NOSTRIN: variants seen among roughly 807,000 people sequenced by gnomAD.
NOSTRIN encodes the protein nitric oxide synthase trafficking.
A neutral mutation model predicts 59.0 loss-of-function variants in NOSTRIN; 63 were observed. The ratio of observed to expected loss-of-function variants is 1.07; its 90% CI spans 0.87 to 1.32. The LOEUF (loss-of-function observed/expected upper bound fraction) is 1.32, where lower values mean the gene tolerates loss of function less well. Ranked by LOEUF, NOSTRIN falls within the 40% of genes most tolerant of loss-of-function variation. NOSTRIN has a pLI of 0.00. For synonymous variants in NOSTRIN, 200 were observed against 165.4 expected, an observed-to-expected ratio of 1.21 and a Z score of -1.61; for missense variants, 512 against 473.1, an observed-to-expected ratio of 1.08 and a Z score of -0.76.
At chr2:168,833,156 A>C (rs1401892928) in intron 6 of NOSTRIN, among the ~76,000 whole-genome samples, 1 of 152,224 alleles carries the variant, frequency 6.6e-6, no homozygotes, top group Admixed American at 6.5e-5. Flanking sequence ...TTGGGCTATA[A>C]TAATTTTCTC....
chr2:168,828,480 A>G lies in NOSTRIN; in HGVS notation c.321A>G (p.Val107=), dbSNP rs768734661. 42 of 870,806 alleles carry G rather than the reference A, an allele frequency of 4.8e-5. No individual in the cohort carries two copies. The highest frequency in any genetic ancestry group is 2.0e-6 in the Non-Finnish European group (1 of 501,222). 53.9% of individuals were successfully genotyped at this position (870,806 alleles called of 1,614,324 possible). The change falls in exon 5 of 16, where the codon GTA becomes GTG. Residue 107 remains valine, a synonymous_variant. Transcript: ENST00000317647. ...AACCGACTTATCAAGTCCTAAATGT[A>G]CAAGAGAAGAAGAGAAAATCAGTGA... The part of the protein sequence containing the change: ...AIKPTYQVLN[V]QEKKRKSLDN...
chr2:168,829,698 C>A (rs1296197755), intron 5 of NOSTRIN, among the ~76,000 whole-genome samples: 1 of 152,166 alleles, frequency 6.6e-6, no homozygotes. Context: ...ACTCTACTTC[C>A]AGGCAACATA....
intron 1 of NOSTRIN, among the ~76,000 whole-genome samples, chr2:168,803,667 A>C (rs1010305455): frequency 1.3e-5 from 2 of 152,246 alleles, no homozygotes; most frequent in Non-Finnish European, 2.9e-5. Flanking sequence ...TAATTTTAAT[A>C]ATGACAACAT....
upstream of NOSTRIN, among the ~76,000 whole-genome samples, chr2:168,800,239 ACC>A (rs1685578329): frequency 2.0e-5 from 3 of 152,248 alleles, no homozygotes; most frequent in Non-Finnish European, 4.4e-5. Flanking sequence ...GTCAGGGGAC[ACC>A]TGAAGATCCA....
At chr2:168,797,163 A>G (rs1164728149), upstream of NOSTRIN, among the ~76,000 whole-genome samples, 1 of 131,082 alleles carries the variant, frequency 7.6e-6, no homozygotes, top group Non-Finnish European at 1.5e-5. Context: ...AACACGGCTT[A>G]TTGCAGCCTC....
chr2:168,857,009 A>C (rs1483944027), intron 12 of NOSTRIN, among the ~76,000 whole-genome samples: 1 of 152,194 alleles, frequency 6.6e-6, no homozygotes, highest in Non-Finnish European at 1.5e-5. Flanking sequence ...TGTCTAAAAT[A>C]GTATTCTCCA....
chr2:168,802,244 T>C (rs754803046), upstream of NOSTRIN: 4 of 193,906 alleles, frequency 2.1e-5, no homozygotes, highest in Non-Finnish European at 3.3e-5. Flanking sequence ...CAAAGCATCA[T>C]ACAATACAGA....
intron 1 of NOSTRIN, among the ~76,000 whole-genome samples, chr2:168,804,343 C>T (rs1178651866): frequency 1.3e-5 from 2 of 152,162 alleles, no homozygotes; most frequent in South Asian, 2.1e-4. Context: ...GGCTCATTGC[C>T]ACCAAAAGTA....
intron 2 of NOSTRIN, among the ~76,000 whole-genome samples, chr2:168,822,908 A>T (rs1470496501): frequency 6.6e-6 from 1 of 152,186 alleles, no homozygotes; most frequent in Non-Finnish European, 1.5e-5. Context: ...TCCAATCATA[A>T]TTTATTTTAT....
rs1685372843 is a variant in NOSTRIN, at chr2:168,792,131, T to G, written c.-473+4083T>G. On this transcript the variant is annotated intron_variant, in intron 2 of 20. Coordinates refer to the NOSTRIN transcript ENST00000458381. ...TATGGTTTTAGGTCTAACATGTAAG[T>G]CTTTAATCCATCTTGAATTAATTTT... 3.3e-5 allele frequency among the ~76,000 whole-genome samples: 5 copies of G among 152,318 alleles called. No individual in the cohort carries two copies. In the South Asian group the frequency reaches 1.0e-3, roughly 32 times the overall value.
At chr2:168,798,975 A>G (rs1258200182), upstream of NOSTRIN, among the ~76,000 whole-genome samples, 1 of 152,176 alleles carries the variant, frequency 6.6e-6, no homozygotes, top group Non-Finnish European at 1.5e-5. Context: ...ACCCACACCT[A>G]GAAGCAATCA....
At chr2:168,846,865 T>C (rs1688459446) in intron 8 of NOSTRIN, among the ~76,000 whole-genome samples, 1 of 152,342 alleles carries the variant, frequency 6.6e-6, no homozygotes, top group South Asian at 2.1e-4. Context: ...AGTCCCACTC[T>C]AGATGAGACG....
Position 168,859,624 on chromosome 2 carries a change from G to T in NOSTRIN, c.1166G>T (p.Arg389Met). Reference sequence around the variant, plus strand: ...CATCCTTGTAGTAATTCCATCTTCAGGTGGAGGGAAAAGGTAACATTTAAG... The same window carrying T: ...CATCCTTGTAGTAATTCCATCTTCATGTGGAGGGAAAAGGTAACATTTAAG... ...PSHPCSNSIF[R>M]WREKEHTHSY... is the part of the protein sequence containing the mutation. Residue 389 changes from arginine to methionine, a missense_variant, in exon 13 of 16, where the codon AGG becomes ATG. By Grantham distance (91) the Arg-to-Met change is moderately conservative. Transcript: ENST00000317647. The T allele has an allele frequency of 6.2e-7, 1 of 1,614,014 alleles. No individual in the cohort carries two copies. Among genetic ancestry groups the T allele is most frequent in the South Asian group, 1.1e-5 (1 of 91,030 alleles).
intron 8 of NOSTRIN, among the ~76,000 whole-genome samples, chr2:168,843,387 T>C (rs1167117603): frequency 6.6e-6 from 1 of 152,218 alleles, no homozygotes; most frequent in Non-Finnish European, 1.5e-5. Context: ...CAAAAAGTGC[T>C]GTCAAAGTGA....
chr2:168,803,236 C>T (rs1272949413), intron 1 of NOSTRIN, among the ~76,000 whole-genome samples: 1 of 152,036 alleles, frequency 6.6e-6, no homozygotes, highest in African/African-American at 2.4e-5. Flanking sequence ...GGAGCACTAC[C>T]AAAAATATAA....
chr2:168,861,872 C>A, intron 14 of NOSTRIN, 88 bp from the exon 15 acceptor site: 1 of 1,166,102 alleles, frequency 8.6e-7, no homozygotes. Flanking sequence ...TGAAACTCTG[C>A]ATCACACTGT....
At chr2:168,818,606 T>C (rs1314927227) in intron 2 of NOSTRIN, among the ~76,000 whole-genome samples, 1 of 152,224 alleles carries the variant, frequency 6.6e-6, no homozygotes, top group Non-Finnish European at 1.5e-5. Flanking sequence ...TAGCGCTTTA[T>C]CTAAAATATT....
chr2:168,810,980 G>C (rs1332981699), intron 1 of NOSTRIN, among the ~76,000 whole-genome samples: 2 of 152,076 alleles, frequency 1.3e-5, no homozygotes, highest in African/African-American at 4.8e-5. Context: ...ATTTATAAAG[G>C]GTAATTAATA....
At chr2:168,850,826 A>G (rs2105753510) in intron 8 of NOSTRIN, 1 of 785,130 alleles carries the variant, frequency 1.3e-6, no homozygotes, top group South Asian at 1.5e-5. Context: ...CCCCTTCCTC[A>G]TAAACTTAGG....
Sources: gnomAD v4.1 joint callset for allele counts (sites outside exome capture counted in the v4.1 genomes callset) on GRCh38, gnomAD v4.1.1 for gene constraint, MANE v1.5 for transcripts, NCBI Gene and HGNC (gene_info 2026-07-23, HGNC 2026-07-21) for gene names.